Variants in NKX3-2 observed in about 807,000 individuals in gnomAD.
The protein encoded by NKX3-2 is homeobox protein Nkx-3.2.
NKX3-2 carries 13 observed loss-of-function variants against 19.4 expected under a neutral mutation model. That is an observed-to-expected ratio of 0.67 (90% CI 0.44 to 1.07). The LOEUF (loss-of-function observed/expected upper bound fraction) is 1.07. NKX3-2 is among the 50% of genes least tolerant of loss of function. The pLI is 0.00. For synonymous variants in NKX3-2, 269 were observed against 230.5 expected (o/e 1.17, Z -1.51); for missense variants, 562 against 488.2 (o/e 1.15, Z -1.42).
In NKX3-2 at chr4:13,544,316, G is replaced by C. The variant is rs910110072; in HGVS notation, c.99C>G (p.Arg33=). 22 of 1,529,766 alleles carry C rather than the reference G, an allele frequency of 1.4e-5. No homozygotes were observed. The highest frequency in any genetic ancestry group is 1.8e-5 in the Non-Finnish European group (21 of 1,146,188). The allele number at this position is 1,529,766 out of a possible 1,614,324, so 94.8% of individuals were successfully genotyped here. ...ERGGLAAPEG[R]PAPGGTAASV... is the part of the protein sequence containing the mutation. ...ATGCCGCTGTGCCCCCGGGCGCCGG[G>C]CGCCCCTCTGGCGCGGCCAGCCCGC... is the stretch of plus-strand genomic sequence containing the variant. The change falls in exon 1 of 2, where the codon CGC becomes CGG. Residue 33 remains arginine, a synonymous_variant. Coordinates refer to ENST00000382438, the MANE Select transcript of NKX3-2 (RefSeq NM_001189.4).
At position 13,542,608 on chromosome 4, in the gene NKX3-2, C is replaced by A; in HGVS notation, c.467-80G>T. The A allele has an allele frequency of 6.5e-7, 1 of 1,539,448 alleles. No homozygotes were observed. The highest frequency in any genetic ancestry group is 1.1e-5 in the South Asian group (1 of 89,494). On this transcript the variant is annotated intron_variant, in intron 1 of 1. Coordinates refer to ENST00000382438, the MANE Select transcript of NKX3-2 (RefSeq NM_001189.4). The surrounding 1 kb of genome is among the most constrained non-coding windows in gnomAD (Gnocchi z 6.4). Reference sequence around the variant, plus strand: ...GAGGCCGGGCCTCAACTGCAGGGGTCACGGGAGTGGGGCGGAAATACACTT... The same window carrying A: ...GAGGCCGGGCCTCAACTGCAGGGGTAACGGGAGTGGGGCGGAAATACACTT...
At position 13,541,939 on chromosome 4, in the gene NKX3-2, C is replaced by A. The variant is rs1485124671; in HGVS notation, c.*54G>T. On this transcript the variant is annotated 3_prime_UTR_variant, in exon 2 of 2. Transcript: ENST00000382438. ...GCAGGCTACAGCCTACAGCTGTCAG[C>A]GCCGGTCCGGAGCCGGAGCGCGGGA... 2.6e-6 allele frequency: 4 copies of A among 1,548,542 alleles called. No homozygotes were observed. Among genetic ancestry groups the A allele is most frequent in the Admixed American group, 2.0e-5 (1 of 51,008 alleles).
At position 13,540,902 on chromosome 4, in the gene NKX3-2, T is replaced by G. The variant is rs1717967891; in HGVS notation, c.*1091A>C. ...AGAGCTTCCAAACTTCACAAATCTT[T>G]TTACAGTTAATACTCTAGTTGAGTG... On this transcript the variant is annotated 3_prime_UTR_variant, in exon 2 of 2. Transcript: ENST00000382438. The G allele has an allele frequency of 6.6e-6, 1 of 152,200 alleles. No homozygotes were observed. The highest frequency in any genetic ancestry group is 2.4e-5 in the African/African-American group (1 of 41,442). 9.4% of individuals were successfully genotyped at this position (152,200 alleles called of 1,614,324 possible).
upstream of NKX3-2, among the ~76,000 whole-genome samples, chr4:13,545,774 T>TA (rs1002762004): frequency 1.3e-5 from 2 of 152,196 alleles, no homozygotes; most frequent in Non-Finnish European, 2.9e-5. Flanking sequence ...AAATATCTCT[T>TA]ACTTGTGAGT....
upstream of NKX3-2, chr4:13,545,033 T>A (rs1023014588): frequency 6.6e-6 from 1 of 152,152 alleles, no homozygotes; most frequent in African/African-American, 2.4e-5. Context: ...TGCGTTCCAC[T>A]GTACCACCCC....
At position 13,542,408 on chromosome 4, in the gene NKX3-2, T is replaced by G; in HGVS notation, c.587A>C (p.Glu196Ala). Reference protein sequence around the residue: ...GSGPAGVAEEEEEPAAPKPRK... With the variant: ...GSGPAGVAEEAEEPAAPKPRK... Reference sequence around the variant, plus strand: ...TGGCTTGGGCGCCGCCGGCTCCTCCTCCTCCTCCGCGACGCCTGCCGGCCC... The same window carrying G: ...TGGCTTGGGCGCCGCCGGCTCCTCCGCCTCCTCCGCGACGCCTGCCGGCCC... The change falls in exon 2 of 2, where the codon GAG becomes GCG. Residue 196 changes from glutamate to alanine, a missense_variant. Physicochemically the swap from Glu to Ala is moderately radical, Grantham distance 107. Transcript: ENST00000382438. This position sits in a 1 kb window ranked among gnomAD's most constrained non-coding sequence, Gnocchi z 6.4. 1 of 1,524,180 alleles carries G rather than the reference T, an allele frequency of 6.6e-7. No individual in the cohort carries two copies. Among genetic ancestry groups the G allele is most frequent in the Non-Finnish European group, 8.8e-7 (1 of 1,141,860 alleles). 94.4% of individuals were successfully genotyped at this position (1,524,180 alleles called of 1,614,324 possible).
At position 13,542,434 on chromosome 4, in the gene NKX3-2, G is replaced by T. The variant is rs913414831; in HGVS notation, c.561C>A (p.Ser187Arg). Residue 187 changes from serine (S) to arginine (R), a missense_variant, in exon 2 of 2, where the codon AGC becomes AGA. Physicochemically the swap from Ser to Arg is moderately radical, Grantham distance 110. Coordinates refer to ENST00000382438, the MANE Select transcript of NKX3-2 (RefSeq NM_001189.4). The surrounding 1 kb of genome is among the most constrained non-coding windows in gnomAD (Gnocchi z 6.4). ...LCSGAGGGGG[S>R]GPAGVAEEEE... ...CCTCCTCCGCGACGCCTGCCGGCCC[G>T]CTGCCGCCCCCGCCGCCGGCCCCGC... is the stretch of plus-strand genomic sequence containing the variant. 8 of 1,554,556 alleles carry T rather than the reference G, an allele frequency of 5.1e-6. No individual in the cohort carries two copies. In the South Asian group the frequency reaches 9.3e-5, roughly 18 times the overall value.
rs747895279 is a variant in NKX3-2 at position 13,544,319 on chromosome 4, C to T, written c.96G>A (p.Gly32=). 3.0e-5 allele frequency: 46 copies of T among 1,530,348 alleles called. No individual in the cohort carries two copies. The highest frequency in any genetic ancestry group is 3.6e-5 in the South Asian group (3 of 83,178). The allele number at this position is 1,530,348 out of a possible 1,614,324, so 94.8% of individuals were successfully genotyped here. A position where few individuals can be genotyped will look rare whatever the true frequency, so the allele number is the denominator to read the frequency against. Residue 32 remains glycine (G), a synonymous_variant, in exon 1 of 2, where the codon GGG becomes GGA. Transcript: ENST00000382438. ...CCGCTGTGCCCCCGGGCGCCGGGCGCCCCTCTGGCGCGGCCAGCCCGCCGC... is the reference window on the plus strand; with the variant it reads ...CCGCTGTGCCCCCGGGCGCCGGGCGTCCCTCTGGCGCGGCCAGCCCGCCGC... ...EERGGLAAPE[G]RPAPGGTAAS...
At chr4:13,547,372 C>A (rs1008647096), upstream of NKX3-2, 1 of 373,504 alleles carries the variant, frequency 2.7e-6, no homozygotes, top group Non-Finnish European at 5.3e-6. Context: ...TGCAACCTCC[C>A]GACGGGCGCC....
chr4:13,542,006 G>A lies in NKX3-2; in HGVS notation c.989C>T (p.Ala330Val). ...GWALSTCAAA[A>V]GTQ ...GCCCAAGCGGGTTCACTGGGTGCCT[G>A]CGGCAGCTGCGCAGGTGGAGAGCGC... Residue 330 changes from alanine (A) to valine (V), a missense_variant, in exon 2 of 2, where the codon GCA becomes GTA. Physicochemically the swap from Ala to Val is moderately conservative, Grantham distance 64. Transcript: ENST00000382438. This position sits in a 1 kb window ranked among gnomAD's most constrained non-coding sequence, Gnocchi z 6.4. 6.3e-7 allele frequency: 1 copy of A among 1,588,434 alleles called. No individual in the cohort carries two copies. The highest frequency in any genetic ancestry group is 8.6e-7 in the Non-Finnish European group (1 of 1,168,224).
rs1367261662 is a variant in NKX3-2 at position 13,542,695 on chromosome 4, C to T, written c.467-167G>A. ...CTGGGCCCGGGAGACCAGTCTTAGA[C>T]TCTTGCCCCACTGGGTATCCCATCT... On this transcript the variant is annotated intron_variant, in intron 1 of 1. Coordinates refer to ENST00000382438, the MANE Select transcript of NKX3-2 (RefSeq NM_001189.4). This position sits in a 1 kb window ranked among gnomAD's most constrained non-coding sequence, Gnocchi z 6.4. 6.6e-6 allele frequency among the ~76,000 whole-genome samples: 1 copy of T among 152,174 alleles called. No homozygotes were observed. Among genetic ancestry groups the T allele is most frequent in the Non-Finnish European group, 1.5e-5 (1 of 68,030 alleles).
In NKX3-2 at chr4:13,542,955, G is replaced by A. The variant is rs954217701; in HGVS notation, c.467-427C>T. On this transcript the variant is annotated intron_variant, in intron 1 of 1. Coordinates refer to ENST00000382438, the MANE Select transcript of NKX3-2 (RefSeq NM_001189.4). The surrounding 1 kb of genome is among the most constrained non-coding windows in gnomAD (Gnocchi z 6.4). The stretch of plus-strand genomic sequence containing the variant: ...CCACACTTAGTTCACACGCACACAC[G>A]CGCGCGTCCTCGCAGCACACACTTG... Among the ~76,000 whole-genome samples the A allele has an allele frequency of 6.6e-6, 1 of 152,030 alleles. No individual in the cohort carries two copies. Among genetic ancestry groups the A allele is most frequent in the Middle Eastern group, 3.4e-3 (1 of 294 alleles).
In NKX3-2 at chr4:13,543,987, G is replaced by C. The variant is rs768359920; in HGVS notation, c.428C>G (p.Ala143Gly). The stretch of plus-strand genomic sequence containing the variant: ...GGACATCTCGCTGTCGCTCCGGCCC[G>C]CGGCTTCCTCCTCTAGGTCTTTGGA... The part of the protein sequence containing the change: ...AASKDLEEEA[A>G]GRSDSEMSAS... The change falls in exon 1 of 2, where the codon GCG becomes GGG. Residue 143 changes from alanine (A) to glycine (G), a missense_variant. Transcript: ENST00000382438. This position sits in a 1 kb window ranked among gnomAD's most constrained non-coding sequence, Gnocchi z 7.1. The C allele has an allele frequency of 1.0e-5, 16 of 1,563,552 alleles. No homozygotes were observed. In the Middle Eastern group the frequency reaches 5.3e-4, roughly 52 times the overall value.
Position 13,544,137 on chromosome 4 carries a change from G to C in NKX3-2, c.278C>G (p.Ser93Trp). The C allele has an allele frequency of 6.2e-7, 1 of 1,605,502 alleles. No individual in the cohort carries two copies. The highest frequency in any genetic ancestry group is 8.5e-7 in the Non-Finnish European group (1 of 1,178,388). The change falls in exon 1 of 2, where the codon TCG becomes TGG. Residue 93 changes from serine (S) to tryptophan (W), a missense_variant. By Grantham distance (177) the Ser-to-Trp change is radical (BLOSUM62 -3). Transcript: ENST00000382438. ...RTAESPEGWD[S>W]DSALSEENES... ...GTTCTCCTCGCTGAGCGCGGAGTCCGAGTCCCAGCCTTCCGGGCTCTCCGC... is the reference window on the plus strand; with the variant it reads ...GTTCTCCTCGCTGAGCGCGGAGTCCCAGTCCCAGCCTTCCGGGCTCTCCGC...
In NKX3-2 at chr4:13,543,945, A is replaced by C. The variant is rs771302817; in HGVS notation, c.466+4T>G. ...GCCCCCATCCCCGCGAAGCCGCAGC[A>C]GACCTGAGACGCTGGCGGACATCTC... On this transcript the variant is annotated splice_donor_region_variant and intron_variant, in intron 1 of 1. Coordinates refer to ENST00000382438, the MANE Select transcript of NKX3-2 (RefSeq NM_001189.4). This position sits in a 1 kb window ranked among gnomAD's most constrained non-coding sequence, Gnocchi z 7.1. 7.8e-6 allele frequency: 12 copies of C among 1,540,948 alleles called. No homozygotes were observed. In the Admixed American group the frequency reaches 2.3e-4, roughly 30 times the overall value.
rs1300284136 is a variant in NKX3-2 at position 13,541,733 on chromosome 4, GC to G, written c.*259del. The G allele has an allele frequency of 4.1e-6, 2 of 488,606 alleles. No homozygotes were observed. The highest frequency in any genetic ancestry group is 3.9e-5 in the African/African-American group (2 of 51,100). The allele number at this position is 488,606 out of a possible 1,614,324, so 30.3% of individuals were successfully genotyped here. A position where few individuals can be genotyped will look rare whatever the true frequency, so the allele number is the denominator to read the frequency against. On this transcript the variant is annotated 3_prime_UTR_variant, in exon 2 of 2. Transcript: ENST00000382438. ...CAACATTGTCATGATAATAAATAGA[GC>G]CCAGGGGCTTCCAGGCAGGTGGGCG...
rs79270590 is a variant in NKX3-2, at chr4:13,541,246, G to C, written c.*747C>G. On this transcript the variant is annotated 3_prime_UTR_variant, in exon 2 of 2. Transcript: ENST00000382438. ...TCCGCAGAGGGCTGCCTGGGTGTGC[G>C]CTCTCCTCCTTCCGGGACTCCCAGG... is the stretch of plus-strand genomic sequence containing the variant. 1 of 152,194 alleles carries C rather than the reference G, an allele frequency of 6.6e-6. No individual in the cohort carries two copies. The highest frequency in any genetic ancestry group is 1.5e-5 in the Non-Finnish European group (1 of 68,048). 9.4% of individuals were successfully genotyped at this position (152,194 alleles called of 1,614,324 possible). A position where few individuals can be genotyped will look rare whatever the true frequency, so the allele number is the denominator to read the frequency against.
upstream of NKX3-2, chr4:13,547,505 C>A (rs543602448): frequency 6.5e-5 from 15 of 232,308 alleles, no homozygotes; most frequent in East Asian, 2.1e-3. Flanking sequence ...CGCCGCGCCC[C>A]CTCCGCGCCC....
At chr4:13,547,191 G>T (rs1431427925), upstream of NKX3-2, 3 of 456,226 alleles carry the variant, frequency 6.6e-6, no homozygotes, top group African/African-American at 2.0e-5. Flanking sequence ...AGATATCCCG[G>T]CGTAACTACG....
Sources: allele counts gnomAD v4.1 joint callset (sites outside exome capture counted in the v4.1 genomes callset), GRCh38; gene constraint gnomAD v4.1.1; non-coding constraint Gnocchi (gnomAD v3.1); transcripts MANE v1.5; gene names NCBI Gene and HGNC (gene_info 2026-07-23, HGNC 2026-07-21).